The following PALLD variants were observed in gnomAD, a reference collection of about 807,000 sequenced individuals.
PALLD encodes palladin, cytoskeletal associated protein.
A neutral mutation model predicts 123.5 loss-of-function variants in PALLD; 61 were observed. That is an observed-to-expected ratio of 0.49 (90% CI 0.40 to 0.61). The LOEUF is 0.61. Ranked by LOEUF, PALLD falls within the 20% of genes least tolerant of loss-of-function variation. The pLI is 0.00. For missense variants in PALLD, 1,273 were observed against 1,377.0 expected (o/e 0.92, Z 1.20); for synonymous variants, 465 against 496.4 (o/e 0.94, Z 0.84).
chr4:168,908,381 GT>G (rs753137733), intron 15 of PALLD, among the ~76,000 whole-genome samples: 1 of 152,110 alleles, frequency 6.6e-6, no homozygotes, highest in Non-Finnish European at 1.5e-5. Context: ...TTCTGGAAAT[GT>G]TTAATGCTCT....
chr4:168,818,031 G>A (rs913064749), intron 10 of PALLD, among the ~76,000 whole-genome samples: 1 of 152,206 alleles, frequency 6.6e-6, no homozygotes, highest in African/African-American at 2.4e-5. Flanking sequence ...ACGGCATGTA[G>A]ATGATCTTAC....
At chr4:168,651,948 ATTTG>A (rs1778083095) in intron 2 of PALLD, among the ~76,000 whole-genome samples, 1 of 151,934 alleles carries the variant, frequency 6.6e-6, no homozygotes, top group Admixed American at 6.6e-5. Context: ...GTTTTTTTGT[ATTTG>A]TTTGTTTGCT....
intron 5 of PALLD, among the ~76,000 whole-genome samples, chr4:168,684,266 G>T (rs566159438): frequency 4.9e-4 from 75 of 152,294 alleles, no homozygotes; most frequent in African/African-American, 1.7e-3. Flanking sequence ...CCATAATAAT[G>T]TAAAGAGTGA....
At chr4:168,666,325 C>T (rs756280162) in intron 2 of PALLD, among the ~76,000 whole-genome samples, 8 of 152,178 alleles carry the variant, frequency 5.3e-5, no homozygotes, top group Non-Finnish European at 1.2e-4. Context: ...AATTCACAGA[C>T]AGACTCAACT....
intron 2 of PALLD, among the ~76,000 whole-genome samples, chr4:168,542,678 T>C (rs1444231711): frequency 7.0e-6 from 1 of 143,204 alleles, no homozygotes; most frequent in African/African-American, 2.7e-5. Flanking sequence ...TCTATATATA[T>C]ATATATATGG....
chr4:168,705,476 T>C (rs757726255), intron 8 of PALLD, among the ~76,000 whole-genome samples: 2 of 152,224 alleles, frequency 1.3e-5, no homozygotes, highest in East Asian at 3.8e-4. Flanking sequence ...AGTCTTTCCA[T>C]TCATTTAACC....
chr4:168,561,436 C>T (rs543864595), intron 2 of PALLD, among the ~76,000 whole-genome samples: 22 of 151,952 alleles, frequency 1.4e-4, no homozygotes, highest in Admixed American at 5.2e-4. Flanking sequence ...TTGTGCTCAG[C>T]TAATTTTTAA....
intron 6 of PALLD, among the ~76,000 whole-genome samples, chr4:168,688,628 A>G (rs758632721): frequency 2.0e-4 from 30 of 152,358 alleles, no homozygotes; most frequent in African/African-American, 7.2e-4. Flanking sequence ...GGTTCTCCTA[A>G]TGGCTTACTA....
intron 2 of PALLD, among the ~76,000 whole-genome samples, chr4:168,568,481 G>GA (rs1009695726): frequency 6.6e-6 from 1 of 151,592 alleles, no homozygotes; most frequent in East Asian, 1.9e-4. Context: ...AGTATAAATT[G>GA]AAAAAAATAG....
At chr4:168,597,986 T>C (rs898287054) in intron 2 of PALLD, among the ~76,000 whole-genome samples, 6 of 152,160 alleles carry the variant, frequency 3.9e-5, no homozygotes, top group African/African-American at 1.4e-4. Flanking sequence ...GATTTGCTCT[T>C]CTTTATAAAC....
intron 11 of PALLD, 130 bp from the exon 12 acceptor site, chr4:168,894,449 T>C (rs1754686144): frequency 1.4e-6 from 1 of 702,322 alleles, no homozygotes; most frequent in Non-Finnish European, 2.6e-6. Flanking sequence ...AATATGCAGG[T>C]ATCTGAAGCT....
At chr4:168,817,199 T>C (rs1742094502) in intron 10 of PALLD, among the ~76,000 whole-genome samples, 1 of 152,192 alleles carries the variant, frequency 6.6e-6, no homozygotes, top group African/African-American at 2.4e-5. Flanking sequence ...GAAGAGATGT[T>C]TAGAAGCTCT....
chr4:168,654,457 C>A (rs1290950136), intron 2 of PALLD, among the ~76,000 whole-genome samples: 1 of 152,128 alleles, frequency 6.6e-6, no homozygotes, highest in Non-Finnish European at 1.5e-5. Context: ...GAAAGAAGAA[C>A]ATTTTCATCA....
At chr4:168,740,722 CA>C (rs995561558) in intron 10 of PALLD, among the ~76,000 whole-genome samples, 2 of 152,022 alleles carry the variant, frequency 1.3e-5, no homozygotes, top group African/African-American at 2.4e-5. Context: ...GGTTATGGAG[CA>C]AAAAAACTCT....
At position 168,502,843 on chromosome 4, in the gene PALLD, A is replaced by G. The variant is rs992108123; in HGVS notation, c.-83+5649A>G. ...CCCTTGAGCCCAGGAATTCAAGGCTACAGTGAGCTATGATCATGCCATTGC... is the reference window on the plus strand; with the variant it reads ...CCCTTGAGCCCAGGAATTCAAGGCTGCAGTGAGCTATGATCATGCCATTGC... On this transcript the variant is annotated intron_variant, in intron 1 of 21. Transcript: ENST00000505667. Among the ~76,000 whole-genome samples the G allele has an allele frequency of 5.3e-5, 8 of 152,338 alleles. No homozygotes were observed. In the East Asian group the frequency reaches 7.7e-4, roughly 15 times the overall value.
intron 10 of PALLD, among the ~76,000 whole-genome samples, chr4:168,791,392 T>C (rs1160951021): frequency 6.6e-6 from 1 of 152,204 alleles, no homozygotes; most frequent in Non-Finnish European, 1.5e-5. Flanking sequence ...AGAGGTTTAA[T>C]TGACTCAGTA....
intron 10 of PALLD, among the ~76,000 whole-genome samples, chr4:168,725,768 C>T (rs192530489): frequency 0.013 from 1,925 of 152,074 alleles, 58 homozygotes; most frequent in African/African-American, 0.044. Context: ...CCTCATGATC[C>T]GCCCGCCTCG....
intron 10 of PALLD, among the ~76,000 whole-genome samples, chr4:168,751,173 T>C (rs1471656983): frequency 6.6e-6 from 1 of 151,920 alleles, no homozygotes; most frequent in Non-Finnish European, 1.5e-5. Flanking sequence ...CCACCATGCC[T>C]GGCTAATTTT....
At chr4:168,881,550 T>A (rs576698387) in intron 10 of PALLD, among the ~76,000 whole-genome samples, 2 of 150,490 alleles carry the variant, frequency 1.3e-5, no homozygotes, top group Admixed American at 1.3e-4. Flanking sequence ...GGGGAACTTC[T>A]ATACATACAG....
Sources: allele counts gnomAD v4.1 joint callset (sites outside exome capture counted in the v4.1 genomes callset), GRCh38; gene constraint gnomAD v4.1.1; transcripts MANE v1.5; gene names NCBI Gene and HGNC (gene_info 2026-07-23, HGNC 2026-07-21).